The following EFL1 variants were observed in gnomAD, a reference collection of about 807,000 sequenced individuals.
The protein encoded by EFL1 is elongation factor-like GTPase 1.
A neutral mutation model predicts 126.7 loss-of-function variants in EFL1; 76 were observed. That is an observed-to-expected ratio of 0.60 (90% CI 0.50 to 0.73). EFL1 has a LOEUF of 0.73. Ranked by LOEUF, EFL1 falls within the 30% of genes least tolerant of loss-of-function variation. The probability of loss-of-function intolerance (pLI) is 0.00; values close to 1 mark genes in which losing one functional copy is unlikely to be tolerated. For missense variants in EFL1, 1,128 were observed against 1,343.2 expected, an observed-to-expected ratio of 0.84 and a Z score of 2.50; for synonymous variants, 410 against 448.4, an observed-to-expected ratio of 0.91 and a Z score of 1.08.
chr15:82,210,160 G>C (rs1208628543), intron 15 of EFL1, among the ~76,000 whole-genome samples: 1 of 152,222 alleles, frequency 6.6e-6, no homozygotes, highest in East Asian at 1.9e-4. Context: ...CTGTTAAAAT[G>C]CAAAAGGAAA....
intron 4 of EFL1, among the ~76,000 whole-genome samples, chr15:82,244,037 T>C (rs1403558733): frequency 6.6e-6 from 1 of 152,124 alleles, no homozygotes; most frequent in Non-Finnish European, 1.5e-5. Context: ...ATATATTTAA[T>C]GGTGAGAAGG....
At chr15:82,224,249 T>G (rs1436123682) in intron 12 of EFL1, among the ~76,000 whole-genome samples, 2 of 152,252 alleles carry the variant, frequency 1.3e-5, no homozygotes, top group Non-Finnish European at 2.9e-5. Flanking sequence ...CTGCTATATC[T>G]GCATATTATT....
intron 15 of EFL1, among the ~76,000 whole-genome samples, chr15:82,213,467 G>T (rs1238847134): frequency 6.6e-6 from 1 of 152,168 alleles, no homozygotes; most frequent in East Asian, 1.9e-4. Flanking sequence ...ATCCTGGAAG[G>T]CATCTAGAAA....
chr15:82,204,784 A>T (rs2074507118), intron 15 of EFL1, among the ~76,000 whole-genome samples: 1 of 152,208 alleles, frequency 6.6e-6, no homozygotes, highest in Non-Finnish European at 1.5e-5. Flanking sequence ...TAGTTTAGCT[A>T]AATTCCAGGC....
chr15:82,252,195 C>T (rs369204690), intron 4 of EFL1, among the ~76,000 whole-genome samples: 20 of 152,158 alleles, frequency 1.3e-4, no homozygotes, highest in African/African-American at 4.6e-4. Context: ...ATTTTTTTCA[C>T]GAATACAAAC....
chr15:82,146,273 C>A (rs1313778848), intron 18 of EFL1, among the ~76,000 whole-genome samples: 1 of 152,074 alleles, frequency 6.6e-6, no homozygotes, highest in African/African-American at 2.4e-5. Context: ...TAAGGAAATT[C>A]ATTTTGCTAA....
chr15:82,141,685 A>G (rs34686718), intron 18 of EFL1, among the ~76,000 whole-genome samples: 1 of 141,676 alleles, frequency 7.1e-6, no homozygotes, highest in Non-Finnish European at 1.6e-5. Context: ...AAAAAAAAAA[A>G]CCAAAAAAAA....
In EFL1 at chr15:82,138,728, C is replaced by A. The variant is rs1343969287; in HGVS notation, c.3104G>T (p.Gly1035Val). 6.2e-7 allele frequency: 1 copy of A among 1,613,992 alleles called. No homozygotes were observed. Among genetic ancestry groups the A allele is most frequent in the Non-Finnish European group, 8.5e-7 (1 of 1,179,922 alleles). Residue 1035 changes from glycine (G) to valine (V), a missense_variant, in exon 19 of 20, where the codon GGT becomes GTT. Around this residue, in one of 6 missense-constraint regions of EFL1, gnomAD observed 561 missense variants for 641.7 expected, o/e 0.87. Transcript: ENST00000268206. Reference sequence around the variant, plus strand: ...CCTCTTCCTGATTTCATCAGCAAAACCAAAGCTTTCAGCAACAGGCAGCAC... The same window carrying A: ...CCTCTTCCTGATTTCATCAGCAAAAACAAAGCTTTCAGCAACAGGCAGCAC... ...KAVLPVAESF[G>V]FADEIRKRTS...
At chr15:82,223,743 T>C (rs761827738) in intron 12 of EFL1, among the ~76,000 whole-genome samples, 1 of 152,212 alleles carries the variant, frequency 6.6e-6, no homozygotes, top group Non-Finnish European at 1.5e-5. Context: ...CATGTAGCAC[T>C]GAAATATTAT....
intron 18 of EFL1, 113 bp from the exon 19 acceptor site, chr15:82,138,955 C>T (rs113459195): frequency 5.0e-6 from 5 of 991,208 alleles, no homozygotes; most frequent in African/African-American, 1.7e-5. Flanking sequence ...AATTTGTTCT[C>T]AATAATGTTG....
chr15:82,175,870 A>G (rs901453634), intron 15 of EFL1, among the ~76,000 whole-genome samples: 1 of 152,248 alleles, frequency 6.6e-6, no homozygotes, highest in African/African-American at 2.4e-5. Context: ...ATGTAATTCA[A>G]TGTAAATAGG....
chr15:82,215,775 G>GTT (rs2074639167), intron 14 of EFL1: 1 of 152,158 alleles, frequency 6.6e-6, no homozygotes, highest in Non-Finnish European at 1.5e-5. Context: ...ATTCATAAAG[G>GTT]TTCAGAGGAA....
chr15:82,209,783 T>A (rs142998417), intron 15 of EFL1, among the ~76,000 whole-genome samples: 7 of 152,258 alleles, frequency 4.6e-5, no homozygotes. Context: ...TCTACACTTA[T>A]CGGCACACAT....
chr15:82,241,046 T>C (rs2074925939), intron 5 of EFL1, among the ~76,000 whole-genome samples: 1 of 152,176 alleles, frequency 6.6e-6, no homozygotes, highest in African/African-American at 2.4e-5. Context: ...CAAGACTCTG[T>C]CTCAAAACAA....
At chr15:82,224,663 G>C (rs569559602) in intron 12 of EFL1, among the ~76,000 whole-genome samples, 1 of 152,280 alleles carries the variant, frequency 6.6e-6, no homozygotes, top group South Asian at 2.1e-4. Context: ...AAGCAGCAGA[G>C]ACAGAAGGAG....
rs199830537 is a variant in EFL1 at position 82,230,959 on chromosome 15, G to A, written c.744C>T (p.Phe248=). Residue 248 remains phenylalanine, a synonymous_variant, in exon 8 of 20, where the codon TTC becomes TTT. Transcript: ENST00000268206. ...IDGWGFGIEH[F]ARIYSQKIGI... Reference sequence around the variant, plus strand: ...CAATTTTTTGACTGTAGATTCTGGCGAAGTGCTCAATTCTGAAAGAAGACC... The same window carrying A: ...CAATTTTTTGACTGTAGATTCTGGCAAAGTGCTCAATTCTGAAAGAAGACC... The A allele has an allele frequency of 4.2e-5, 67 of 1,611,998 alleles. No homozygotes were observed. Among genetic ancestry groups the A allele is most frequent in the African/African-American group, 2.4e-4 (18 of 74,908 alleles).
chr15:82,262,325 G>A (rs2075133472), intron 1 of EFL1: 1 of 154,832 alleles, frequency 6.5e-6, no homozygotes, highest in Non-Finnish European at 1.4e-5. Context: ...CCAAGCAGGT[G>A]CACTGCCGGT....
intron 15 of EFL1, among the ~76,000 whole-genome samples, chr15:82,197,505 T>C (rs1367221606): frequency 1.3e-5 from 2 of 152,246 alleles, no homozygotes; most frequent in African/African-American, 4.8e-5. Context: ...AGTGACAATG[T>C]GCTTCTAATT....
chr15:82,135,757 G>A, intron 19 of EFL1, among the ~76,000 whole-genome samples: 1 of 152,172 alleles, frequency 6.6e-6, no homozygotes, highest in East Asian at 1.9e-4. Flanking sequence ...AGGGTGAAGT[G>A]ATGTGTGCAA....
Sources: gnomAD v4.1 joint callset for allele counts (sites outside exome capture counted in the v4.1 genomes callset) on GRCh38, gnomAD v4.1.1 for gene constraint, gnomAD v4.1.1 regional missense constraint, MANE v1.5 for transcripts, NCBI Gene and HGNC (gene_info 2026-07-23, HGNC 2026-07-21) for gene names.